Variants in ABCC6 observed in about 807,000 individuals in gnomAD.
ABCC6 encodes the protein ATP-binding cassette sub-family C member 6.
ABCC6 carries 126 observed loss-of-function variants against 169.5 expected under a neutral mutation model. The observed-to-expected ratio is 0.74, with a 90% CI of 0.64 to 0.86. The LOEUF is 0.86. ABCC6 is among the 40% of genes least tolerant of loss of function. The pLI is 0.00. For synonymous variants in ABCC6, 752 were observed against 814.7 expected, an observed-to-expected ratio of 0.92 and a Z score of 1.31; for missense variants, 1,733 against 1,927.2, an observed-to-expected ratio of 0.90 and a Z score of 1.89.
chr16:16,182,444 G>A lies in ABCC6; in HGVS notation c.2215C>T (p.Pro739Ser). ...CALQPDVDSFPEGIHTSIGEQ... is the reference protein window; with the variant it reads ...CALQPDVDSFSEGIHTSIGEQ... ...CCAATTGAAGTGTGGATTCCCTCAG[G>A]GAAGCTGTCCACATCTGGCTGCAGG... The change falls in exon 17 of 31, where the codon CCT becomes TCT. Residue 739 changes from proline (P) to serine (S), a missense_variant. By Grantham distance (74) the Pro-to-Ser change is moderately conservative (BLOSUM62 -1). Around this residue, in one of 5 missense-constraint regions of ABCC6, gnomAD observed 1,601 missense variants for 1,635.5 expected, o/e 0.98. Coordinates refer to ENST00000205557, the MANE Select transcript of ABCC6 (RefSeq NM_001171.6). 2.5e-6 allele frequency: 4 copies of A among 1,614,006 alleles called. No homozygotes were observed. Among genetic ancestry groups the A allele is most frequent in the Non-Finnish European group, 3.4e-6 (4 of 1,180,014 alleles).
At chr16:16,158,963 A>G (rs2046631539) in intron 26 of ABCC6, among the ~76,000 whole-genome samples, 1 of 151,864 alleles carries the variant, frequency 6.6e-6, no homozygotes, top group African/African-American at 2.4e-5. Flanking sequence ...AAATGTTGCT[A>G]TTACGTTACT....
intron 26 of ABCC6, 37 bp downstream of exon 26, chr16:16,159,445 C>T: frequency 6.3e-7 from 1 of 1,578,118 alleles, no homozygotes; most frequent in African/African-American, 1.4e-5. Flanking sequence ...CACAATATGT[C>T]CTTGCTGGGA....
At chr16:16,183,044 C>T (rs1368794094) in intron 15 of ABCC6, 114 bp from the exon 16 acceptor site, 2 of 1,508,748 alleles carry the variant, frequency 1.3e-6, no homozygotes, top group Admixed American at 1.7e-5. Context: ...TCCAAGAGGA[C>T]CTGTGGGGCT....
In ABCC6 at chr16:16,185,041, G is replaced by A; in HGVS notation, c.1868-7C>T. 5.0e-6 allele frequency: 8 copies of A among 1,612,280 alleles called. No individual in the cohort carries two copies. Among genetic ancestry groups the A allele is most frequent in the Non-Finnish European group, 6.8e-6 (8 of 1,178,306 alleles). On this transcript the variant is annotated splice_region_variant and splice_polypyrimidine_tract_variant and intron_variant, in intron 14 of 30. Transcript: ENST00000205557. The stretch of plus-strand genomic sequence containing the variant: ...ATGCAATCCTTCCCGGCAGCTGCAG[G>A]GCACAAGAGGCCATTTACAGGAGAC...
chr16:16,173,456 G>T (rs1169621370), intron 20 of ABCC6, 52 bp from the exon 21 acceptor site: 5 of 1,613,254 alleles, frequency 3.1e-6, no homozygotes, highest in Admixed American at 1.7e-5. Context: ...CAATGGTGGG[G>T]TGTATGTGCC....
chr16:16,152,989 CG>C (rs756938149), intron 29 of ABCC6, among the ~76,000 whole-genome samples: 2 of 152,066 alleles, frequency 1.3e-5, no homozygotes, highest in Non-Finnish European at 2.9e-5. Flanking sequence ...CTCTGCCTCC[CG>C]GGTTCAAGCG....
intron 15 of ABCC6, among the ~76,000 whole-genome samples, chr16:16,183,287 G>T (rs1003244858): frequency 6.6e-6 from 1 of 151,896 alleles, no homozygotes; most frequent in African/African-American, 2.4e-5. Flanking sequence ...TGCACACCAC[G>T]CACACACACA....
Position 16,154,899 on chromosome 16 carries a change from G to C in ABCC6, c.4015C>G (p.Arg1339Gly). 6.2e-7 allele frequency: 1 copy of C among 1,611,588 alleles called. No homozygotes were observed. Among genetic ancestry groups the C allele is most frequent in the Non-Finnish European group, 8.5e-7 (1 of 1,179,066 alleles). ...PIAHVGLHTL[R>G]SRISIIPQDP... is the part of the protein sequence containing the mutation. ...TGGGGGATGATGCTGATCCTGGAGC[G>C]CAGTGTGTGCAGCCCCACGTGGGCA... Residue 1339 changes from arginine to glycine, a missense_variant, in exon 28 of 31, where the codon CGC becomes GGC. Around this residue, in one of 5 missense-constraint regions of ABCC6, gnomAD observed 1,601 missense variants for 1,635.5 expected, o/e 0.98. Coordinates refer to ENST00000205557, the MANE Select transcript of ABCC6 (RefSeq NM_001171.6).
chr16:16,188,682 C>T, intron 13 of ABCC6, 149 bp downstream of exon 13: 1 of 1,175,874 alleles, frequency 8.5e-7, no homozygotes, highest in Admixed American at 2.0e-5. Context: ...TGTTCTTGCC[C>T]CTACCCGCCT....
In ABCC6 at chr16:16,154,785, G is replaced by A. The variant is rs1219871914; in HGVS notation, c.4051C>T (p.Leu1351=). 1 of 1,612,378 alleles carries A rather than the reference G, an allele frequency of 6.2e-7. No homozygotes were observed. Among genetic ancestry groups the A allele is most frequent in the South Asian group, 1.1e-5 (1 of 90,644 alleles). The change falls in exon 29 of 31, where the codon CTG becomes TTG. Residue 1351 remains leucine, a synonymous_variant. Transcript: ENST00000205557. ...RISIIPQDPI[L]FPGSLRMNLD... ...TTCATCCGCAGAGAGCCAGGGAACA[G>A]GATGGGGTCCTGGCGGGGAGGGGCG...
At chr16:16,204,064 T>C (rs2048323721) in intron 7 of ABCC6, among the ~76,000 whole-genome samples, 1 of 151,360 alleles carries the variant, frequency 6.6e-6, no homozygotes, top group Admixed American at 6.6e-5. Context: ...TCTTTTCCTT[T>C]TTTTTTTTTT....
chr16:16,201,688 C>T lies in ABCC6; in HGVS notation c.1176+313G>A, dbSNP rs547401536. ...ACCAAAAATATAAAAATTAGCTGGG[C>T]GTGGTGACACGTGTCTATAGTCCCA... On this transcript the variant is annotated intron_variant, in intron 9 of 30. Transcript: ENST00000205557. Among the ~76,000 whole-genome samples the T allele has an allele frequency of 2.1e-3, 315 of 152,186 alleles. 2 individuals are homozygous for T. In the Middle Eastern group the frequency reaches 0.034, roughly 16 times the overall value.
chr16:16,171,949 T>G (rs2047095500), intron 21 of ABCC6, among the ~76,000 whole-genome samples: 1 of 96,870 alleles, frequency 1.0e-5, no homozygotes, highest in Non-Finnish European at 2.0e-5. Flanking sequence ...GTGGGATGGA[T>G]AAATGAGTGG....
Position 16,162,925 on chromosome 16 carries a change from G to T in ABCC6, c.3506+68C>A. ...GGGTGACCTCTCTACCATACAATAT[G>T]ACCTCAGGTCTCACCCTCTAAGGAT... On this transcript the variant is annotated intron_variant, in intron 24 of 30. Transcript: ENST00000205557. The T allele has an allele frequency of 1.9e-6, 3 of 1,596,242 alleles. No individual in the cohort carries two copies. In the South Asian group the frequency reaches 3.3e-5, roughly 18 times the overall value.
chr16:16,173,448 A>G lies in ABCC6; in HGVS notation c.2667-44T>C, dbSNP rs58469665. On this transcript the variant is annotated intron_variant, in intron 20 of 30. Transcript: ENST00000205557. Reference sequence around the variant, plus strand: ...GAAGACAAAGTCAGTATCTCTCCCAATGGTGGGGTGTATGTGCCTAACCCT... The same window carrying G: ...GAAGACAAAGTCAGTATCTCTCCCAGTGGTGGGGTGTATGTGCCTAACCCT... 689 of 1,613,730 alleles carry G rather than the reference A, an allele frequency of 4.3e-4. 1 individual carries two copies. Among genetic ancestry groups the G allele is most frequent in the African/African-American group, 3.2e-3 (237 of 75,020 alleles).
chr16:16,192,812 C>T lies in ABCC6; in HGVS notation c.1431+18G>A, dbSNP rs1243543426. On this transcript the variant is annotated intron_variant, in intron 11 of 30. Coordinates refer to ENST00000205557, the MANE Select transcript of ABCC6 (RefSeq NM_001171.6). ...TCCCTACTTCCTGCCTGGTCCGTCCCTTTCCCAAAAGCCAAACCTGATGGT... is the reference window on the plus strand; with the variant it reads ...TCCCTACTTCCTGCCTGGTCCGTCCTTTTCCCAAAAGCCAAACCTGATGGT... The T allele has an allele frequency of 6.2e-7, 1 of 1,609,746 alleles. No homozygotes were observed.
Position 16,208,960 on chromosome 16 carries a change from T to C in ABCC6, c.663-101A>G, listed in dbSNP as rs553489879. The stretch of plus-strand genomic sequence containing the variant: ...GTGACCCTGGGTAAGTCACTTTACC[T>C]CTCTGTACCTCTACTGGCCCCTGGG... On this transcript the variant is annotated intron_variant, in intron 6 of 30. Coordinates refer to ENST00000205557, the MANE Select transcript of ABCC6 (RefSeq NM_001171.6). The C allele has an allele frequency of 5.2e-5, 82 of 1,571,314 alleles. No individual in the cohort carries two copies. The African/African-American group carries it at 1.0e-3, about 20-fold the overall frequency.
intron 23 of ABCC6, 58 bp downstream of exon 23, chr16:16,165,565 A>C: frequency 1.3e-6 from 2 of 1,575,580 alleles, no homozygotes; most frequent in Non-Finnish European, 1.7e-6. Context: ...CCCCAGAGAC[A>C]GGGGACTGGC....
At chr16:16,189,337 C>T (rs933265649) in intron 12 of ABCC6, among the ~76,000 whole-genome samples, 4 of 151,708 alleles carry the variant, frequency 2.6e-5, no homozygotes, top group African/African-American at 9.7e-5. Flanking sequence ...ACTTGTGATT[C>T]TAGAGTCCCT....
Sources: gnomAD v4.1 joint callset for allele counts (sites outside exome capture counted in the v4.1 genomes callset) on GRCh38, gnomAD v4.1.1 for gene constraint, gnomAD v4.1.1 regional missense constraint, MANE v1.5 for transcripts, NCBI Gene and HGNC (gene_info 2026-07-23, HGNC 2026-07-21) for gene names.